CLTRN: variants seen among roughly 807,000 people sequenced by gnomAD.
CLTRN encodes the protein collectrin, amino acid transport regulator, also known as collectrin.
Under a neutral mutation model 14.5 loss-of-function variants are expected in CLTRN, and 12 were observed. That is an observed-to-expected ratio of 0.83 (90% confidence interval 0.53 to 1.34). The LOEUF (loss-of-function observed/expected upper bound fraction) is 1.34, where lower values mean the gene tolerates loss of function less well. Among genes scored for constraint, CLTRN ranks in the 40% most tolerant of loss-of-function variants. CLTRN has a pLI of 0.00. For missense variants in CLTRN, 154 were observed against 165.1 expected (o/e 0.93, Z 0.37); for synonymous variants, 58 against 56.5 (o/e 1.03, Z -0.12).
At chrX:15,654,667 T>C (rs772539311) in intron 3 of CLTRN, among the ~76,000 whole-genome samples, 5 of 112,522 alleles carry the variant, frequency 4.4e-5, no homozygotes, top group Non-Finnish European at 9.4e-5. Context: ...GCATTTAATA[T>C]CAGAAATTGT....
At chrX:15,638,220 C>A (rs1328860291) in intron 5 of CLTRN, among the ~76,000 whole-genome samples, 1 of 112,369 alleles carries the variant, frequency 8.9e-6, no homozygotes, top group Non-Finnish European at 1.9e-5. Flanking sequence ...CCAAAATGCA[C>A]ATCTTGTACC....
At chrX:15,664,695 T>C in intron 1 of CLTRN, 23 bp downstream of exon 1, 1 of 1,176,196 alleles carries the variant, frequency 8.5e-7, no homozygotes, top group Non-Finnish European at 1.2e-6. Flanking sequence ...GTTCATCTAT[T>C]TTTAAATTTC....
chrX:15,674,047 G>A (rs1929769237), intron 1 of CLTRN, among the ~76,000 whole-genome samples: 1 of 112,049 alleles, frequency 8.9e-6, no homozygotes, highest in Non-Finnish European at 1.9e-5. Flanking sequence ...TTGAGTTGGG[G>A]AAGCTCAGTC....
chrX:15,644,786 GA>G, intron 4 of CLTRN, 129 bp downstream of exon 4: 1 of 457,940 alleles, frequency 2.2e-6, no homozygotes, highest in East Asian at 4.0e-5. Context: ...CTAACAAAAT[GA>G]AATCTTTGTC....
In CLTRN at chrX:15,670,937, T is replaced by C. The variant is rs953067815; in HGVS notation, c.-505-3001A>G. Among the ~76,000 whole-genome samples, 4 of 80,933 alleles carry C rather than the reference T, an allele frequency of 4.9e-5. No homozygotes were observed. The South Asian group carries it at 2.6e-3, about 53-fold the overall frequency. 70.3% of individuals were successfully genotyped at this position (80,933 alleles called of 115,157 possible). A position where few individuals can be genotyped will look rare whatever the true frequency, so the allele number is the denominator to read the frequency against. ...GTGTGTGTGTGTGTGTGTGTGTGTGTGGTTTCTCTAAGGCTAAGAATGTAA... is the reference window on the plus strand; with the variant it reads ...GTGTGTGTGTGTGTGTGTGTGTGTGCGGTTTCTCTAAGGCTAAGAATGTAA... On this transcript the variant is annotated intron_variant, in intron 1 of 6. Transcript: ENST00000650271.
intron 3 of CLTRN, among the ~76,000 whole-genome samples, chrX:15,658,629 C>T (rs979673622): frequency 5.5e-5 from 6 of 109,967 alleles, no homozygotes; most frequent in Non-Finnish European, 1.1e-4. Context: ...ATGATAAATA[C>T]CAAGAGTGGA....
intron 3 of CLTRN, among the ~76,000 whole-genome samples, chrX:15,656,440 G>C (rs183572961): frequency 9.0e-6 from 1 of 111,433 alleles, no homozygotes; most frequent in Admixed American, 9.5e-5. Flanking sequence ...GTGCTTTACA[G>C]TTTTCTGCAA....
chrX:15,644,107 G>A (rs921625862), intron 4 of CLTRN, among the ~76,000 whole-genome samples: 1 of 111,984 alleles, frequency 8.9e-6, no homozygotes. Context: ...ACGATCATAA[G>A]GAGGGGAGGA....
At chrX:15,659,192 C>T in intron 2 of CLTRN, 91 bp from the exon 3 acceptor site, 1 of 331,221 alleles carries the variant, frequency 3.0e-6, no homozygotes, top group Non-Finnish European at 5.7e-6. Flanking sequence ...CTCTCTCTCT[C>T]CACACACACA....
chrX:15,646,502 A>AC (rs1929076350), intron 3 of CLTRN: 1 of 267,405 alleles, frequency 3.7e-6, no homozygotes, highest in Non-Finnish European at 7.2e-6. Context: ...ACTGGGCCCT[A>AC]CTGTCCAGGC....
At chrX:15,658,620 T>C (rs1049029214) in intron 3 of CLTRN, among the ~76,000 whole-genome samples, 1 of 111,263 alleles carries the variant, frequency 9.0e-6, no homozygotes, top group South Asian at 3.7e-4. Context: ...CAAGGTACTA[T>C]GATAAATACC....
intron 4 of CLTRN, among the ~76,000 whole-genome samples, chrX:15,643,436 T>C (rs1321209306): frequency 8.9e-6 from 1 of 112,050 alleles, no homozygotes; most frequent in Non-Finnish European, 1.9e-5. Context: ...AGACATTTTG[T>C]TGTGAACATA....
In CLTRN at chrX:15,639,689, G is replaced by T; in HGVS notation, c.385C>A (p.Pro129Thr). Residue 129 changes from proline to threonine, a missense_variant, in exon 5 of 6, where the codon CCT becomes ACT. By Grantham distance (38) the Pro-to-Thr change is conservative. Coordinates refer to ENST00000380342, the MANE Select transcript of CLTRN (RefSeq NM_020665.6). ...NDQTLEFLKI[P>T]STLAPPMDPS... ...TCCATGGGTGGTGCAAGTGTGGAAG[G>T]GATTTTTAAAAATTCCAGAGTTTGG... 8.3e-7 allele frequency: 1 copy of T among 1,209,300 alleles called. No individual in the cohort carries two copies. Among genetic ancestry groups the T allele is most frequent in the Non-Finnish European group, 1.1e-6 (1 of 894,459 alleles).
In CLTRN at chrX:15,659,949, C is replaced by T. The variant is rs766873825; in HGVS notation, c.118-848G>A. Among the ~76,000 whole-genome samples, 13 of 112,287 alleles carry T rather than the reference C, an allele frequency of 1.2e-4. No individual in the cohort carries two copies. The East Asian group carries it at 3.6e-3, about 31-fold the overall frequency. On this transcript the variant is annotated intron_variant, in intron 2 of 5. Coordinates refer to ENST00000380342, the MANE Select transcript of CLTRN (RefSeq NM_020665.6). ...TATAGTATATTTGACTCACTCTGCT[C>T]CTTAATGCAGTAAATGCAAAAAGCC...
chrX:15,647,028 C>T (rs759514611), intron 3 of CLTRN, among the ~76,000 whole-genome samples: 321 of 112,717 alleles, frequency 2.8e-3, no homozygotes, highest in Non-Finnish European at 4.8e-3. Flanking sequence ...GCCAGGCGCC[C>T]GGTCGCCGCA....
At chrX:15,637,255 A>C (rs1928838889) in intron 5 of CLTRN, among the ~76,000 whole-genome samples, 1 of 111,030 alleles carries the variant, frequency 9.0e-6, no homozygotes, top group East Asian at 2.8e-4. Context: ...CTCGAAACTA[A>C]AGGTTTTGGG....
intron 4 of CLTRN, among the ~76,000 whole-genome samples, chrX:15,641,636 C>CTGTGTGTG (rs56407617): frequency 0.043 from 3,820 of 88,416 alleles, 250 homozygotes; most frequent in African/African-American, 0.15. Context: ...CCACACCTGG[C>CTGTGTGTG]TGTGTGTGTG....
At chrX:15,637,753 C>T (rs139701473) in intron 5 of CLTRN, among the ~76,000 whole-genome samples, 1 of 112,285 alleles carries the variant, frequency 8.9e-6, no homozygotes, top group Non-Finnish European at 1.9e-5. Context: ...AGATACCACT[C>T]TAAGCACTCT....
intron 4 of CLTRN, 24 bp downstream of exon 4, chrX:15,644,892 G>T (rs1414418367): frequency 1.0e-6 from 1 of 1,001,389 alleles, no homozygotes; most frequent in Non-Finnish European, 1.4e-6. Flanking sequence ...TTGACTAATA[G>T]AAGGCATATT....
Sources: gnomAD v4.1 joint callset for allele counts (sites outside exome capture counted in the v4.1 genomes callset) on GRCh38, gnomAD v4.1.1 for gene constraint, MANE v1.5 for transcripts, NCBI Gene and HGNC (gene_info 2026-07-23, HGNC 2026-07-21) for gene names.